HMGB1: variants seen among roughly 807,000 people sequenced by gnomAD.
HMGB1 encodes high mobility group protein B1.
For missense variants in HMGB1, 79 were observed against 253.5 expected (o/e 0.31, Z 4.67); for synonymous variants, 81 against 84.0 (o/e 0.96, Z 0.19).
intron 4 of HMGB1, 185 bp downstream of exon 4, chr13:30,462,353 A>T: frequency 1.5e-6 from 1 of 687,960 alleles, no homozygotes; most frequent in Non-Finnish European, 2.7e-6. Context: ...TCTGAGTCTG[A>T]TTACATTTTA....
intron 1 of HMGB1, among the ~76,000 whole-genome samples, chr13:30,533,323 A>G (rs1888539103): frequency 6.6e-6 from 1 of 152,134 alleles, no homozygotes; most frequent in Non-Finnish European, 1.5e-5. Flanking sequence ...CTCATCTATA[A>G]CAGAACCATA....
intron 1 of HMGB1, among the ~76,000 whole-genome samples, chr13:30,518,645 A>T (rs575523213): frequency 1.4e-3 from 208 of 152,270 alleles, no homozygotes; most frequent in African/African-American, 4.9e-3. Flanking sequence ...AAGAGCATTT[A>T]GCACAGTGCC....
chr13:30,552,449 C>T (rs1318976484), intron 1 of HMGB1, among the ~76,000 whole-genome samples: 2 of 152,174 alleles, frequency 1.3e-5, no homozygotes, highest in African/African-American at 4.8e-5. Flanking sequence ...TGGCTGACTT[C>T]TATTTATCTT....
chr13:30,572,522 T>C (rs1183435025), intron 1 of HMGB1, among the ~76,000 whole-genome samples: 1 of 152,240 alleles, frequency 6.6e-6, no homozygotes, highest in Non-Finnish European at 1.5e-5. Context: ...GCAACTCTGC[T>C]AATTAACTGA....
intron 1 of HMGB1, among the ~76,000 whole-genome samples, chr13:30,484,938 C>T (rs1228339675): frequency 1.3e-5 from 2 of 152,186 alleles, no homozygotes; most frequent in South Asian, 2.1e-4. Context: ...GCCAAAGGAC[C>T]TCTCACAGCT....
At chr13:30,583,966 C>T (rs572585321) in intron 1 of HMGB1, among the ~76,000 whole-genome samples, 1 of 151,424 alleles carries the variant, frequency 6.6e-6, no homozygotes, top group African/African-American at 2.4e-5. Context: ...GACAGCACCA[C>T]GGTGCTCTGG....
chr13:30,458,602 T>C lies in HMGB1; in HGVS notation c.*2755A>G, dbSNP rs1384762587. On this transcript the variant is annotated 3_prime_UTR_variant, in exon 5 of 5. Transcript: ENST00000341423. ...CCTTGGCCTCCCAAAGTGCTGGGAT[T>C]ACAGGCGTGAGCCACTGCGCCCGGC... The C allele has an allele frequency of 6.6e-6, 1 of 152,316 alleles. No individual in the cohort carries two copies. Among genetic ancestry groups the C allele is most frequent in the Non-Finnish European group, 1.5e-5 (1 of 68,122 alleles). 9.4% of individuals were successfully genotyped at this position (152,316 alleles called of 1,614,324 possible). A position where few individuals can be genotyped will look rare whatever the true frequency, so the allele number is the denominator to read the frequency against.
chr13:30,604,354 G>A lies in HMGB1; in HGVS notation c.-15+12317C>T, dbSNP rs140637248. ...GTGAGAGGAAGCAGAAACAATAGGAGGGTAATGCTATAATCCAGTGGTCCA... is the reference window on the plus strand; with the variant it reads ...GTGAGAGGAAGCAGAAACAATAGGAAGGTAATGCTATAATCCAGTGGTCCA... On this transcript the variant is annotated intron_variant, in intron 1 of 4. Transcript: ENST00000405805. 5.9e-5 allele frequency among the ~76,000 whole-genome samples: 9 copies of A among 152,290 alleles called. No homozygotes were observed. In the East Asian group the frequency reaches 1.7e-3, roughly 29 times the overall value.
At chr13:30,467,509 A>G (rs2137415463), upstream of HMGB1, among the ~76,000 whole-genome samples, 1 of 152,374 alleles carries the variant, frequency 6.6e-6, no homozygotes, top group East Asian at 1.9e-4. Context: ...ACACATGCAC[A>G]TGAAAAAGAC....
In HMGB1 at chr13:30,524,902, G is replaced by T. The variant is rs867520400; in HGVS notation, c.-14-61208C>A. ...TTATTTCTTAATTGGAACCTTGCCTGTGGTTATATATGCGTTGTTTTTTTA... is the reference window on the plus strand; with the variant it reads ...TTATTTCTTAATTGGAACCTTGCCTTTGGTTATATATGCGTTGTTTTTTTA... On this transcript the variant is annotated intron_variant, in intron 1 of 4. Transcript: ENST00000405805. Among the ~76,000 whole-genome samples, 3 of 152,144 alleles carry T rather than the reference G, an allele frequency of 2.0e-5. No individual in the cohort carries two copies. The South Asian group carries it at 6.2e-4, about 31-fold the overall frequency.
intron 1 of HMGB1, among the ~76,000 whole-genome samples, chr13:30,595,109 AC>A (rs1381694072): frequency 1.4e-5 from 2 of 144,350 alleles, no homozygotes; most frequent in East Asian, 3.9e-4. Context: ...AAAGATTACC[AC>A]CCCCTTCAAC....
chr13:30,581,285 C>T (rs9551942), intron 1 of HMGB1, among the ~76,000 whole-genome samples: 10,449 of 152,224 alleles, frequency 0.069, 444 homozygotes, highest in East Asian at 0.091. Flanking sequence ...TATCATATTC[C>T]ATAAATAGCA....
Position 30,561,586 on chromosome 13 carries a change from C to T in HMGB1, c.-15+55085G>A, listed in dbSNP as rs1409186746. Among the ~76,000 whole-genome samples the T allele has an allele frequency of 3.3e-5, 5 of 152,006 alleles. No homozygotes were observed. The South Asian group carries it at 6.2e-4, about 19-fold the overall frequency. On this transcript the variant is annotated intron_variant, in intron 1 of 4. Coordinates refer to the HMGB1 transcript ENST00000405805. ...AAAAAAGTCAGTGAAGTAGTAGGAA[C>T]GATGACAGATGACACTGGGTTGAAG...
At chr13:30,606,494 T>G (rs1566038880) in intron 1 of HMGB1, among the ~76,000 whole-genome samples, 1 of 152,194 alleles carries the variant, frequency 6.6e-6, no homozygotes, top group Non-Finnish European at 1.5e-5. Context: ...ATATTACATT[T>G]GGAAAGCAAA....
intron 1 of HMGB1, among the ~76,000 whole-genome samples, chr13:30,501,775 A>G (rs1887740576): frequency 6.6e-6 from 1 of 152,186 alleles, no homozygotes; most frequent in African/African-American, 2.4e-5. Flanking sequence ...TTTAACCTGG[A>G]TTGCAAACTA....
chr13:30,513,307 C>A (rs573473535), intron 1 of HMGB1, among the ~76,000 whole-genome samples: 1 of 152,304 alleles, frequency 6.6e-6, no homozygotes, highest in South Asian at 2.1e-4. Context: ...TGTAGAAGGT[C>A]TCTTCAATTT....
chr13:30,616,713 T>C (rs1950568175), exon 1 of HMGB1: 1 of 152,214 alleles, frequency 6.6e-6, no homozygotes, highest in Non-Finnish European at 1.5e-5. Flanking sequence ...ACTGCTGGAT[T>C]CCTTGGCCAT....
chr13:30,464,918 C>T (rs1248409403), intron 1 of HMGB1, among the ~76,000 whole-genome samples: 1 of 140,864 alleles, frequency 7.1e-6, no homozygotes. Flanking sequence ...CCGGGCCCTC[C>T]CCTCCGCGCC....
At chr13:30,523,441 G>A (rs961660529) in intron 1 of HMGB1, among the ~76,000 whole-genome samples, 8 of 152,194 alleles carry the variant, frequency 5.3e-5, no homozygotes, top group East Asian at 3.9e-4. Context: ...AGTCAACTTC[G>A]AATCACTGGA....
Sources: gnomAD v4.1 joint callset for allele counts (sites outside exome capture counted in the v4.1 genomes callset) on GRCh38, gnomAD v4.1.1 for gene constraint, MANE v1.5 for transcripts, NCBI Gene and HGNC (gene_info 2026-07-23, HGNC 2026-07-21) for gene names.